The following HIP1 variants were observed in gnomAD, a reference collection of about 807,000 sequenced individuals.
The protein encoded by HIP1 is huntingtin-interacting protein 1.
Under a neutral mutation model 147.6 loss-of-function variants are expected in HIP1, and 65 were observed. The ratio of observed to expected loss-of-function variants is 0.44; its 90% CI spans 0.36 to 0.54. HIP1 has a LOEUF of 0.54. Among genes scored for constraint, HIP1 ranks in the 20% least tolerant of loss-of-function variants. HIP1 has a pLI of 0.00. For missense variants in HIP1, 1,061 were observed against 1,299.6 expected, an observed-to-expected ratio of 0.82 and a Z score of 2.82; for synonymous variants, 479 against 504.0, an observed-to-expected ratio of 0.95 and a Z score of 0.67.
intron 28 of HIP1, among the ~76,000 whole-genome samples, chr7:75,542,572 G>A (rs966122148): frequency 1.3e-4 from 19 of 151,848 alleles, no homozygotes; most frequent in Non-Finnish European, 1.6e-4. Flanking sequence ...GGTGGCGGGC[G>A]CCTGTAATCC....
Position 75,591,381 on chromosome 7 carries a change from A to G in HIP1, c.384+675T>C, listed in dbSNP as rs182630670. Among the ~76,000 whole-genome samples, 3 of 152,098 alleles carry G rather than the reference A, an allele frequency of 2.0e-5. No individual in the cohort carries two copies. In the East Asian group the frequency reaches 5.8e-4, roughly 29 times the overall value. ...ATTACCCCTCTCCATATACACACCC[A>G]CGGACATCAGAATCTGGGGTGATTG... On this transcript the variant is annotated intron_variant, in intron 4 of 30. Coordinates refer to ENST00000336926, the MANE Select transcript of HIP1 (RefSeq NM_005338.7).
At chr7:75,734,906 A>C (rs1554523484) in intron 1 of HIP1, among the ~76,000 whole-genome samples, 3 of 152,196 alleles carry the variant, frequency 2.0e-5, no homozygotes, top group Non-Finnish European at 4.4e-5. Context: ...CCTGTGCTTT[A>C]TCCACGTGCT....
At chr7:75,580,130 T>C (rs1795985961) in intron 7 of HIP1, among the ~76,000 whole-genome samples, 1 of 152,166 alleles carries the variant, frequency 6.6e-6, no homozygotes, top group Non-Finnish European at 1.5e-5. Flanking sequence ...CTGTGTGAGC[T>C]TCTCATGTGG....
At chr7:75,544,921 GT>G in intron 26 of HIP1, 121 bp from the exon 27 acceptor site, 1 of 762,840 alleles carries the variant, frequency 1.3e-6, no homozygotes, top group Non-Finnish European at 2.2e-6. Context: ...TGCCTGCCCT[GT>G]GTCCCCTGGG....
chr7:75,684,227 G>C (rs1273210150), intron 1 of HIP1, among the ~76,000 whole-genome samples: 2 of 151,698 alleles, frequency 1.3e-5, no homozygotes, highest in African/African-American at 4.8e-5. Context: ...TAGGTGGATC[G>C]CCGGAGCTTA....
chr7:75,702,330 G>A (rs781925886), intron 1 of HIP1, among the ~76,000 whole-genome samples: 20 of 152,104 alleles, frequency 1.3e-4, no homozygotes, highest in Non-Finnish European at 2.6e-4. Context: ...GGCTGGTCTT[G>A]AACTCCTGAC....
intron 1 of HIP1, among the ~76,000 whole-genome samples, chr7:75,652,506 G>T (rs551117569): frequency 1.5e-4 from 23 of 152,050 alleles, no homozygotes; most frequent in Non-Finnish European, 2.8e-4. Context: ...TAGGACTACA[G>T]GTGCGTGCCA....
intron 2 of HIP1, among the ~76,000 whole-genome samples, chr7:75,595,025 C>G (rs1796635889): frequency 6.6e-6 from 1 of 152,112 alleles, no homozygotes; most frequent in Non-Finnish European, 1.5e-5. Flanking sequence ...GGACTCATCT[C>G]AGGTAGGAAA....
chr7:75,651,460 C>CAAAAAAAAAAAAAA (rs1168846001), intron 1 of HIP1, among the ~76,000 whole-genome samples: 3 of 44,102 alleles, frequency 6.8e-5, no homozygotes, highest in Non-Finnish European at 4.9e-5. Flanking sequence ...CTCCATATCT[C>CAAAAAAAAAAAAAA]AAAAAAAAAA....
At chr7:75,637,999 C>CAA in intron 1 of HIP1, among the ~76,000 whole-genome samples, 1 of 73,140 alleles carries the variant, frequency 1.4e-5, no homozygotes, top group African/African-American at 7.8e-5. Context: ...CCCCCACACA[C>CAA]ACACATACAC....
At chr7:75,666,578 C>A (rs782437755) in intron 1 of HIP1, among the ~76,000 whole-genome samples, 1 of 152,178 alleles carries the variant, frequency 6.6e-6, no homozygotes, top group African/African-American at 2.4e-5. Context: ...TTCTCCACTG[C>A]GTGGTCTTCT....
At chr7:75,604,789 A>T (rs1017223439) in intron 1 of HIP1, among the ~76,000 whole-genome samples, 5 of 152,202 alleles carry the variant, frequency 3.3e-5, no homozygotes, top group South Asian at 4.1e-4. Context: ...TACCCTAAAA[A>T]TAACTGTTCC....
At chr7:75,591,055 C>G (rs1382409711) in intron 4 of HIP1, among the ~76,000 whole-genome samples, 1 of 147,220 alleles carries the variant, frequency 6.8e-6, no homozygotes, top group African/African-American at 2.5e-5. Flanking sequence ...TTTTTTGAGA[C>G]AGAGTCTCAC....
rs1794915731 is a variant in HIP1 at position 75,554,479 on chromosome 7, G to A, written c.2011C>T (p.Leu671=). 6.2e-7 allele frequency: 1 copy of A among 1,614,030 alleles called. No individual in the cohort carries two copies. Among genetic ancestry groups the A allele is most frequent in the Non-Finnish European group, 8.5e-7 (1 of 1,179,962 alleles). ...VTSISSCIEQ[L]EKSWSQYLAC... ...AGATACTGGCTCCAGCTTTTCTCCAGTTGCTCGATGCAGCTGGAAATGGAT... is the reference window on the plus strand; with the variant it reads ...AGATACTGGCTCCAGCTTTTCTCCAATTGCTCGATGCAGCTGGAAATGGAT... The change falls in exon 20 of 31, where the codon CTG becomes TTG. Residue 671 remains leucine (L), a synonymous_variant. Transcript: ENST00000336926.
intron 1 of HIP1, among the ~76,000 whole-genome samples, chr7:75,634,941 GAAAAAAAAA>G (rs58461422): frequency 1.1e-4 from 7 of 62,584 alleles, no homozygotes; most frequent in Admixed American, 1.1e-3. Flanking sequence ...CACTATCTCT[GAAAAAAAAA>G]AAAAAAAAAA....
chr7:75,720,804 C>T (rs372949501), intron 1 of HIP1, among the ~76,000 whole-genome samples: 217 of 152,046 alleles, frequency 1.4e-3, no homozygotes, highest in African/African-American at 5.0e-3. Flanking sequence ...TTTGAGAGGC[C>T]GAGGTGGGCG....
chr7:75,644,377 C>T (rs1798738916), intron 1 of HIP1, among the ~76,000 whole-genome samples: 1 of 152,136 alleles, frequency 6.6e-6, no homozygotes, highest in African/African-American at 2.4e-5. Context: ...TCACTGCAAC[C>T]TCCGCCTCCC....
intron 1 of HIP1, among the ~76,000 whole-genome samples, chr7:75,634,203 T>C (rs915467625): frequency 5.3e-5 from 8 of 151,874 alleles, no homozygotes; most frequent in African/African-American, 1.9e-4. Context: ...GAGGCTGCAG[T>C]GAGCTGTGAT....
intron 1 of HIP1, among the ~76,000 whole-genome samples, chr7:75,650,877 C>G (rs773437088): frequency 2.6e-4 from 40 of 152,166 alleles, no homozygotes; most frequent in Non-Finnish European, 5.6e-4. Context: ...GTTATCACGG[C>G]TTACAGGAAG....
Sources: gnomAD v4.1 joint callset for allele counts (sites outside exome capture counted in the v4.1 genomes callset) on GRCh38, gnomAD v4.1.1 for gene constraint, MANE v1.5 for transcripts, NCBI Gene and HGNC (gene_info 2026-07-23, HGNC 2026-07-21) for gene names.